The following SH3RF1 variants were observed in gnomAD, a reference collection of about 807,000 sequenced individuals.
SH3RF1 encodes E3 ubiquitin-protein ligase SH3RF1.
A neutral mutation model predicts 74.0 loss-of-function variants in SH3RF1; 32 were observed. That is an observed-to-expected ratio of 0.43 (90% CI 0.33 to 0.58). The LOEUF (loss-of-function observed/expected upper bound fraction) is 0.58. SH3RF1 is among the 20% of genes least tolerant of loss of function. The probability of loss-of-function intolerance (pLI) is 0.05; values close to 1 mark genes in which losing one functional copy is unlikely to be tolerated. For missense variants in SH3RF1, 954 were observed against 1,130.9 expected, an observed-to-expected ratio of 0.84 and a Z score of 2.24; for synonymous variants, 396 against 439.6, an observed-to-expected ratio of 0.90 and a Z score of 1.24.
At position 169,095,256 on chromosome 4, in the gene SH3RF1, T is replaced by C. The variant is rs1732896065; in HGVS notation, c.*1263A>G. 6.6e-6 allele frequency: 1 copy of C among 152,606 alleles called. No homozygotes were observed. Among genetic ancestry groups the C allele is most frequent in the South Asian group, 2.1e-4 (1 of 4,822 alleles). 9.5% of individuals were successfully genotyped at this position (152,606 alleles called of 1,614,324 possible). On this transcript the variant is annotated 3_prime_UTR_variant, in exon 12 of 12. Transcript: ENST00000284637. ...ATAAAAGACCACTTTCACTAATGAC[T>C]TGTGTAGTGGCTAATGCATGCCTTA...
chr4:169,156,808 A>C, intron 2 of SH3RF1, 129 bp from the exon 3 acceptor site: 8 of 803,252 alleles, frequency 1.0e-5, no homozygotes, highest in East Asian at 2.6e-5. Flanking sequence ...AGAAAATCTC[A>C]CACAAAAACA....
chr4:169,126,286 A>G (rs1733523510), intron 6 of SH3RF1, among the ~76,000 whole-genome samples: 1 of 152,212 alleles, frequency 6.6e-6, no homozygotes, highest in African/African-American at 2.4e-5. Flanking sequence ...ATGGTATGGA[A>G]TAAGAGGTCT....
Position 169,269,086 on chromosome 4 carries a change from A to T in SH3RF1, c.127T>A (p.Ser43Thr). 6.2e-7 allele frequency: 1 copy of T among 1,614,150 alleles called. No homozygotes were observed. The highest frequency in any genetic ancestry group is 8.5e-7 in the Non-Finnish European group (1 of 1,180,026). The part of the protein sequence containing the change: ...CKRCLLGIVG[S>T]RNELRCPECR... The stretch of plus-strand genomic sequence containing the variant: ...TCGGGACATCTGAGTTCATTTCGAG[A>T]ACCTACGATCCCCAGCAAACATCGC... The change falls in exon 2 of 12, where the codon TCT (serine) becomes ACT (threonine). Residue 43 changes from serine to threonine, a missense_variant. Coordinates refer to ENST00000284637, the MANE Select transcript of SH3RF1 (RefSeq NM_020870.4).
At chr4:169,254,009 T>C (rs1224912991) in intron 2 of SH3RF1, among the ~76,000 whole-genome samples, 2 of 152,248 alleles carry the variant, frequency 1.3e-5, no homozygotes, top group Non-Finnish European at 2.9e-5. Flanking sequence ...CTCAAGAGAA[T>C]TGTTATTCAA....
chr4:169,229,316 C>T (rs1001701766), intron 2 of SH3RF1, among the ~76,000 whole-genome samples: 43 of 152,140 alleles, frequency 2.8e-4, no homozygotes, highest in African/African-American at 1.0e-3. Flanking sequence ...TGTAGGTCAC[C>T]TTCTTTAATA....
At chr4:169,101,895 T>C (rs1358428585) in intron 11 of SH3RF1, among the ~76,000 whole-genome samples, 1 of 152,176 alleles carries the variant, frequency 6.6e-6, no homozygotes, top group Non-Finnish European at 1.5e-5. Flanking sequence ...AAACAGAGTC[T>C]TGCAATATAA....
At chr4:169,196,470 T>G (rs1045201153) in intron 2 of SH3RF1, among the ~76,000 whole-genome samples, 1 of 152,262 alleles carries the variant, frequency 6.6e-6, no homozygotes, top group African/African-American at 2.4e-5. Flanking sequence ...GTGCTACTGC[T>G]TTTGCAAAAC....
chr4:169,245,582 C>G (rs998611953), intron 2 of SH3RF1, among the ~76,000 whole-genome samples: 1 of 152,158 alleles, frequency 6.6e-6, no homozygotes, highest in African/African-American at 2.4e-5. Context: ...TAACTGTCCT[C>G]AAGATCCCAT....
Position 169,155,475 on chromosome 4 carries a change from T to C in SH3RF1, c.765+5A>G. On this transcript the variant is annotated splice_donor_5th_base_variant and intron_variant, in intron 4 of 11. Coordinates refer to ENST00000284637, the MANE Select transcript of SH3RF1 (RefSeq NM_020870.4). ...CACAGTTCAAGTTTCTACAGATTAA[T>C]TTACCTCAACATATGAAATTGGAAA... The C allele has an allele frequency of 6.2e-7, 1 of 1,602,500 alleles. No homozygotes were observed. Among genetic ancestry groups the C allele is most frequent in the Non-Finnish European group, 8.5e-7 (1 of 1,169,752 alleles).
chr4:169,136,711 T>G (rs903670904), intron 4 of SH3RF1, 91 bp from the exon 5 acceptor site: 1 of 1,370,536 alleles, frequency 7.3e-7, no homozygotes, highest in African/African-American at 1.5e-5. Context: ...TCATCCAAAA[T>G]TTAAAGTCAC....
chr4:169,237,388 C>G (rs938687140), intron 2 of SH3RF1, among the ~76,000 whole-genome samples: 4 of 152,172 alleles, frequency 2.6e-5, no homozygotes, highest in Non-Finnish European at 2.9e-5. Context: ...TGCCTGTAAT[C>G]ACAACACTTC....
At chr4:169,163,685 A>C (rs960413282) in intron 2 of SH3RF1, among the ~76,000 whole-genome samples, 2 of 152,010 alleles carry the variant, frequency 1.3e-5, no homozygotes, top group African/African-American at 4.8e-5. Flanking sequence ...CTCCATTTGG[A>C]TTGTCTGTTC....
rs533453551 is a variant in SH3RF1 at position 169,187,713 on chromosome 4, G to A, written c.394-31034C>T. On this transcript the variant is annotated intron_variant, in intron 2 of 11. Coordinates refer to ENST00000284637, the MANE Select transcript of SH3RF1 (RefSeq NM_020870.4). The stretch of plus-strand genomic sequence containing the variant: ...TTAGTTCAGCAAGCTAATGTCAGAT[G>A]TAAAAAGTTACCAGTAAAAGGAAGT... 4.1e-4 allele frequency among the ~76,000 whole-genome samples: 62 copies of A among 152,318 alleles called. 1 individual carries two copies. In the South Asian group the frequency reaches 0.011, roughly 26 times the overall value.
At chr4:169,269,343 G>A (rs373255955) in intron 1 of SH3RF1, 36 bp from the exon 2 acceptor site, 1 of 980,582 alleles carries the variant, frequency 1.0e-6, no homozygotes, top group Non-Finnish European at 1.4e-6. Context: ...AAGAGAACAT[G>A]AGTGTTGTTA....
chr4:169,216,464 G>A (rs1730465699), intron 2 of SH3RF1, among the ~76,000 whole-genome samples: 1 of 151,868 alleles, frequency 6.6e-6, no homozygotes, highest in South Asian at 2.1e-4. Context: ...AACTGTTCTT[G>A]CTCCTTTTAT....
chr4:169,260,954 G>A (rs770753957), intron 2 of SH3RF1, among the ~76,000 whole-genome samples: 2 of 152,138 alleles, frequency 1.3e-5, no homozygotes, highest in Non-Finnish European at 1.5e-5. Context: ...ATACAGCTAA[G>A]GATCCCTAGA....
At chr4:169,169,451 G>C (rs1734291851) in intron 2 of SH3RF1, among the ~76,000 whole-genome samples, 1 of 152,036 alleles carries the variant, frequency 6.6e-6, no homozygotes, top group Non-Finnish European at 1.5e-5. Flanking sequence ...TAAAAAGTTA[G>C]CCAGGTGTGG....
intron 2 of SH3RF1, among the ~76,000 whole-genome samples, chr4:169,229,906 C>T (rs543362070): frequency 1.3e-5 from 2 of 152,284 alleles, no homozygotes; most frequent in South Asian, 4.1e-4. Context: ...TGAGTGGGTC[C>T]TTTAAAAAAC....
At position 169,141,786 on chromosome 4, in the gene SH3RF1, T is replaced by A. The variant is rs1579103219; in HGVS notation, c.766-5166A>T. The stretch of plus-strand genomic sequence containing the variant: ...CTGAGTAGCAGAGATTATAGGCAAG[T>A]GCCACCATGGCCCGCCTAATTTTTG... On this transcript the variant is annotated intron_variant, in intron 4 of 11. Coordinates refer to ENST00000284637, the MANE Select transcript of SH3RF1 (RefSeq NM_020870.4). Among the ~76,000 whole-genome samples, 10 of 150,900 alleles carry A rather than the reference T, an allele frequency of 6.6e-5. No individual in the cohort carries two copies. The South Asian group carries it at 2.1e-3, about 32-fold the overall frequency.
Sources: allele counts gnomAD v4.1 joint callset (sites outside exome capture counted in the v4.1 genomes callset), GRCh38; gene constraint gnomAD v4.1.1; transcripts MANE v1.5; gene names NCBI Gene and HGNC (gene_info 2026-07-23, HGNC 2026-07-21).